Variants in ELAPOR1 observed in about 807,000 individuals in gnomAD.
ELAPOR1 encodes the protein endosome/lysosome-associated apoptosis and autophagy regulator 1.
Under a neutral mutation model 119.7 loss-of-function variants are expected in ELAPOR1, and 77 were observed. The observed-to-expected ratio is 0.64, with a 90% CI of 0.54 to 0.78. The LOEUF is 0.78. Ranked by LOEUF, ELAPOR1 falls within the 30% of genes least tolerant of loss-of-function variation. The pLI is 0.00. For synonymous variants in ELAPOR1, 481 were observed against 487.2 expected, an observed-to-expected ratio of 0.99 and a Z score of 0.17; for missense variants, 1,115 against 1,270.4, an observed-to-expected ratio of 0.88 and a Z score of 1.86.
chr1:109,135,433 G>A (rs1005368814), intron 1 of ELAPOR1, among the ~76,000 whole-genome samples: 5 of 152,132 alleles, frequency 3.3e-5, no homozygotes, highest in African/African-American at 4.8e-5. Flanking sequence ...TAGTAGAAAC[G>A]GTTTCACCAC....
intron 1 of ELAPOR1, among the ~76,000 whole-genome samples, chr1:109,133,559 G>A (rs889101740): frequency 3.3e-5 from 5 of 152,032 alleles, no homozygotes; most frequent in African/African-American, 4.8e-5. Flanking sequence ...TAGTATCTCC[G>A]GATATTATCT....
intron 1 of ELAPOR1, among the ~76,000 whole-genome samples, chr1:109,115,489 CGGCCA>C (rs1647930431): frequency 6.6e-6 from 1 of 152,078 alleles, no homozygotes; most frequent in Admixed American, 6.5e-5. Flanking sequence ...TATACTGCCC[CGGCCA>C]GTCTCTAACT....
At chr1:109,173,097 CAAAA>C (rs58149393) in intron 5 of ELAPOR1, among the ~76,000 whole-genome samples, 1,294 of 91,914 alleles carry the variant, frequency 0.014, 14 homozygotes, top group African/African-American at 0.041. Flanking sequence ...AACTCTGTCT[CAAAA>C]AAAAAAAAAA....
At chr1:109,160,056 G>A (rs1013219064) in intron 1 of ELAPOR1, among the ~76,000 whole-genome samples, 13 of 152,108 alleles carry the variant, frequency 8.5e-5, no homozygotes, top group African/African-American at 3.1e-4. Flanking sequence ...GACCCAGAGA[G>A]GGCACAAAGA....
At chr1:109,121,773 C>CTTTT (rs10714498) in intron 1 of ELAPOR1, among the ~76,000 whole-genome samples, 3 of 134,272 alleles carry the variant, frequency 2.2e-5, no homozygotes, top group Non-Finnish European at 4.7e-5. Flanking sequence ...CTGTGTATTA[C>CTTTT]TTTTTTTTTT....
intron 12 of ELAPOR1, 86 bp downstream of exon 12, chr1:109,191,557 A>AC (rs893274737): frequency 3.3e-5 from 45 of 1,382,774 alleles, no homozygotes; most frequent in Middle Eastern, 1.9e-4. Flanking sequence ...CGTGACTGAC[A>AC]CCCCCCCTTG....
chr1:109,171,167 A>G (rs535215316), intron 3 of ELAPOR1, among the ~76,000 whole-genome samples: 12 of 152,334 alleles, frequency 7.9e-5, no homozygotes, highest in African/African-American at 2.9e-4. Flanking sequence ...TTAAACAGAA[A>G]AAACATTTCC....
chr1:109,164,561 G>A lies in ELAPOR1; in HGVS notation c.337G>A (p.Glu113Lys), dbSNP rs202054557. 2.7e-5 allele frequency: 43 copies of A among 1,614,248 alleles called. No homozygotes were observed. The East Asian group carries it at 9.1e-4, about 34-fold the overall frequency. The change falls in exon 3 of 22, where the codon GAG becomes AAG. Residue 113 changes from glutamate to lysine, a missense_variant. Physicochemically the swap from Glu to Lys is moderately conservative, Grantham distance 56. Transcript: ENST00000369939. The stretch of plus-strand genomic sequence containing the variant: ...GGACCAGTCATGTAAGCCATGCGCT[G>A]AGGGCCGCTACTCCCTCGGCACAGG... ...MKDQSCKPCA[E>K]GRYSLGTGIR...
intron 3 of ELAPOR1, among the ~76,000 whole-genome samples, chr1:109,171,458 A>G (rs1383855625): frequency 6.6e-6 from 1 of 152,024 alleles, no homozygotes; most frequent in Non-Finnish European, 1.5e-5. Flanking sequence ...AGGCTGAGAC[A>G]GGAGAATTGC....
At chr1:109,201,367 T>C in intron 21 of ELAPOR1, 1 of 456,288 alleles carries the variant, frequency 2.2e-6, no homozygotes, top group Non-Finnish European at 4.4e-6. Context: ...CAGTCTCAGC[T>C]GTTCCCCACT....
chr1:109,117,795 C>T (rs536509379), intron 1 of ELAPOR1, among the ~76,000 whole-genome samples: 1 of 152,060 alleles, frequency 6.6e-6, no homozygotes, highest in South Asian at 2.1e-4. Flanking sequence ...GTAAACAATG[C>T]AGGAGTGGCA....
intron 1 of ELAPOR1, among the ~76,000 whole-genome samples, chr1:109,136,935 A>C (rs1254247243): frequency 6.6e-6 from 1 of 152,212 alleles, no homozygotes. Flanking sequence ...GCAGTTTGTG[A>C]TCTTTGCCCC....
At chr1:109,150,179 C>T (rs1240323954) in intron 1 of ELAPOR1, among the ~76,000 whole-genome samples, 3 of 152,134 alleles carry the variant, frequency 2.0e-5, no homozygotes, top group Non-Finnish European at 4.4e-5. Context: ...ACCCCAGGTC[C>T]GTGTGGAGGC....
intron 15 of ELAPOR1, among the ~76,000 whole-genome samples, chr1:109,195,290 G>A (rs904318632): frequency 4.6e-5 from 7 of 151,904 alleles, no homozygotes; most frequent in East Asian, 3.9e-4. Context: ...TCAGGAGATC[G>A]AGACCATTCT....
chr1:109,179,418 AAAAAAAAAAAAG>A (rs1652562176), intron 7 of ELAPOR1, among the ~76,000 whole-genome samples: 1 of 151,456 alleles, frequency 6.6e-6, no homozygotes, highest in African/African-American at 2.4e-5. Context: ...CCAAAAAAAA[AAAAAAAAAAAAG>A]AAGTGTGAGC....
chr1:109,142,123 A>C (rs1174140176), intron 1 of ELAPOR1, among the ~76,000 whole-genome samples: 2 of 152,204 alleles, frequency 1.3e-5, no homozygotes, highest in South Asian at 2.1e-4. Flanking sequence ...ATAAGGACAT[A>C]AAAGACAATT....
Position 109,203,087 on chromosome 1 carries a change from C to A in ELAPOR1, c.*75C>A. ...AAGCCTGCGGCGATTTGGGTGCCAG[C>A]ATCCTGCAACACCCACTGCTGGAAA... On this transcript the variant is annotated 3_prime_UTR_variant, in exon 22 of 22. Transcript: ENST00000369939. The A allele has an allele frequency of 1.1e-6, 1 of 889,940 alleles. No homozygotes were observed. The highest frequency in any genetic ancestry group is 1.9e-6 in the Non-Finnish European group (1 of 539,892). The allele number at this position is 889,940 out of a possible 1,614,324, so 55.1% of individuals were successfully genotyped here.
intron 2 of ELAPOR1, among the ~76,000 whole-genome samples, chr1:109,163,630 C>T (rs1278838058): frequency 2.0e-5 from 3 of 151,974 alleles, no homozygotes; most frequent in African/African-American, 7.2e-5. Flanking sequence ...AACTCCTGGG[C>T]TCAAGTGATC....
chr1:109,172,341 C>G (rs1651975741), intron 4 of ELAPOR1, 147 bp from the exon 5 acceptor site: 3 of 645,594 alleles, frequency 4.6e-6, no homozygotes, highest in Non-Finnish European at 8.3e-6. Context: ...TACTTTGAGG[C>G]TCATGTGTTT....
Sources: gnomAD v4.1 joint callset for allele counts (sites outside exome capture counted in the v4.1 genomes callset) on GRCh38, gnomAD v4.1.1 for gene constraint, MANE v1.5 for transcripts, NCBI Gene and HGNC (gene_info 2026-07-23, HGNC 2026-07-21) for gene names.